PCDH7: variants seen among roughly 807,000 people sequenced by gnomAD.
PCDH7 encodes protocadherin 7.
PCDH7 carries 17 observed loss-of-function variants against 58.9 expected under a neutral mutation model. The observed-to-expected ratio is 0.29, with a 90% CI of 0.20 to 0.43. The LOEUF is 0.43. Ranked by LOEUF, PCDH7 falls within the 20% of genes least tolerant of loss-of-function variation. PCDH7 has a pLI of 1.00. For synonymous variants in PCDH7, 664 were observed against 616.4 expected, an observed-to-expected ratio of 1.08 and a Z score of -1.14; for missense variants, 1,274 against 1,441.0, an observed-to-expected ratio of 0.88 and a Z score of 1.88.
intron 3 of PCDH7, among the ~76,000 whole-genome samples, chr4:31,019,372 C>T (rs1476612300): frequency 6.6e-6 from 1 of 152,100 alleles, no homozygotes; most frequent in Non-Finnish European, 1.5e-5. Flanking sequence ...CATGAGGCCA[C>T]ATGTCTGGGC....
At chr4:31,132,149 A>T (rs1578881260) in intron 3 of PCDH7, among the ~76,000 whole-genome samples, 1 of 152,174 alleles carries the variant, frequency 6.6e-6, no homozygotes, top group South Asian at 2.1e-4. Context: ...TGTACTCATT[A>T]AGTATTTTAA....
At chr4:30,867,263 A>C (rs1323809606) in intron 1 of PCDH7, among the ~76,000 whole-genome samples, 1 of 152,058 alleles carries the variant, frequency 6.6e-6, no homozygotes, top group African/African-American at 2.4e-5. Flanking sequence ...CTGTATGCTA[A>C]GGGAGAAAAA....
intron 3 of PCDH7, among the ~76,000 whole-genome samples, chr4:31,057,951 G>A (rs1757386685): frequency 6.6e-6 from 1 of 152,028 alleles, no homozygotes; most frequent in African/African-American, 2.4e-5. Context: ...TCAAAGAAAA[G>A]ATAAATCTTC....
chr4:30,849,429 C>G (rs1011087664), intron 1 of PCDH7, among the ~76,000 whole-genome samples: 1 of 152,136 alleles, frequency 6.6e-6, no homozygotes, highest in Non-Finnish European at 1.5e-5. Flanking sequence ...GTGTTACTTT[C>G]AGTCTTCTTC....
Position 30,763,480 on chromosome 4 carries a change from T to C in PCDH7, c.70+38884T>C, listed in dbSNP as rs551349806. 2.0e-5 allele frequency among the ~76,000 whole-genome samples: 3 copies of C among 152,308 alleles called. No individual in the cohort carries two copies. The South Asian group carries it at 6.2e-4, about 32-fold the overall frequency. The stretch of plus-strand genomic sequence containing the variant: ...GGCCATATAAAATCATCTACTTATA[T>C]GTAAGATAAACACGGAGGCTTAGAA... On this transcript the variant is annotated intron_variant, in intron 1 of 3. Coordinates refer to the PCDH7 transcript ENST00000509759.
chr4:31,051,129 G>A (rs558873439), intron 3 of PCDH7, among the ~76,000 whole-genome samples: 64 of 152,104 alleles, frequency 4.2e-4, no homozygotes, highest in African/African-American at 1.3e-3. Context: ...TTGCCTATAA[G>A]CCACTCTTTG....
chr4:30,722,546 G>T lies in PCDH7; in HGVS notation c.1124G>T (p.Arg375Leu). ...CTCAGCGTCCTGCACCGGATCGACC[G>T]CGAGGAGGTGAACCAGCTGCGCTTC... Residue 375 changes from arginine (R) to leucine (L), a missense_variant, in exon 1 of 2, where the codon CGC (arginine) becomes CTC (leucine). Around this residue, in one of 3 missense-constraint regions of PCDH7, gnomAD observed 331 missense variants for 303.2 expected, o/e 1.09. Transcript: ENST00000361762. This position sits in a 1 kb window ranked among gnomAD's most constrained non-coding sequence, Gnocchi z 7.6. 1.9e-6 allele frequency: 3 copies of T among 1,612,408 alleles called. No individual in the cohort carries two copies. The highest frequency in any genetic ancestry group is 2.5e-6 in the Non-Finnish European group (3 of 1,179,900).
chr4:31,056,120 A>G (rs1757142508), intron 3 of PCDH7, among the ~76,000 whole-genome samples: 1 of 151,976 alleles, frequency 6.6e-6, no homozygotes, highest in Non-Finnish European at 1.5e-5. Context: ...TGTAATCTCA[A>G]TACTTCGGGA....
chr4:31,102,887 T>A (rs986091645), intron 3 of PCDH7, among the ~76,000 whole-genome samples: 4 of 152,172 alleles, frequency 2.6e-5, no homozygotes. Flanking sequence ...TCTAAATGAA[T>A]CACATTCAGT....
intron 1 of PCDH7, among the ~76,000 whole-genome samples, chr4:30,778,415 A>G (rs1201576215): frequency 6.6e-6 from 1 of 152,202 alleles, no homozygotes; most frequent in Admixed American, 6.5e-5. Flanking sequence ...TTTTCATACA[A>G]TGTGCATGTT....
intron 1 of PCDH7, among the ~76,000 whole-genome samples, chr4:30,837,120 A>C (rs543856196): frequency 6.6e-6 from 1 of 152,118 alleles, no homozygotes; most frequent in South Asian, 2.1e-4. Context: ...TTTTTTTTAC[A>C]TTGAATCAAT....
chr4:31,054,218 A>C (rs1353447779), intron 3 of PCDH7, among the ~76,000 whole-genome samples: 1 of 152,280 alleles, frequency 6.6e-6, no homozygotes, highest in East Asian at 1.9e-4. Context: ...CACCTGCCTC[A>C]GCATCCCAGA....
exon 2 of PCDH7, chr4:30,732,779 A>T (rs1163610719): frequency 6.6e-6 from 1 of 152,036 alleles, no homozygotes; most frequent in African/African-American, 2.4e-5. Flanking sequence ...TACTATTATG[A>T]CTGGAAAAAC....
At chr4:30,848,707 A>G (rs1414483793) in intron 1 of PCDH7, among the ~76,000 whole-genome samples, 1 of 152,136 alleles carries the variant, frequency 6.6e-6, no homozygotes, top group East Asian at 1.9e-4. Context: ...CAGCATAGTT[A>G]AGAATCTCTT....
At chr4:30,797,482 G>T (rs1724947904) in intron 1 of PCDH7, among the ~76,000 whole-genome samples, 1 of 151,220 alleles carries the variant, frequency 6.6e-6, no homozygotes, top group Non-Finnish European at 1.5e-5. Context: ...CACTGTGTTA[G>T]CCAGGATGGT....
intron 3 of PCDH7, among the ~76,000 whole-genome samples, chr4:30,990,428 A>C (rs1021447820): frequency 6.6e-6 from 1 of 152,276 alleles, no homozygotes; most frequent in South Asian, 2.1e-4. Context: ...ATTTTGCATT[A>C]ATACCTGTAA....
At chr4:30,842,903 T>C (rs1375726891) in intron 1 of PCDH7, among the ~76,000 whole-genome samples, 1 of 152,144 alleles carries the variant, frequency 6.6e-6, no homozygotes, top group Non-Finnish European at 1.5e-5. Context: ...TAGTGCTTAC[T>C]ACTCTCTGAT....
intron 1 of PCDH7, among the ~76,000 whole-genome samples, chr4:30,870,163 TG>T: frequency 6.6e-6 from 1 of 152,176 alleles, no homozygotes; most frequent in East Asian, 1.9e-4. Context: ...TGTTTAAGTT[TG>T]TTTTAGGTTC....
At chr4:31,018,202 T>C (rs556104682) in intron 3 of PCDH7, among the ~76,000 whole-genome samples, 15 of 152,312 alleles carry the variant, frequency 9.8e-5, no homozygotes, top group African/African-American at 3.4e-4. Context: ...ATGTTTAGTC[T>C]GACTTGAGTT....
Sources: allele counts gnomAD v4.1 joint callset (sites outside exome capture counted in the v4.1 genomes callset), GRCh38; gene constraint gnomAD v4.1.1; regional missense constraint gnomAD v4.1.1; non-coding constraint Gnocchi (gnomAD v3.1); transcripts MANE v1.5; gene names NCBI Gene and HGNC (gene_info 2026-07-23, HGNC 2026-07-21).